CAST: variants seen among roughly 807,000 people sequenced by gnomAD.
CAST encodes calpastatin.
In CAST, 76 loss-of-function variants were observed where a neutral mutation model predicts 119.6. The ratio of observed to expected loss-of-function variants is 0.64; its 90% CI spans 0.53 to 0.77. The LOEUF (loss-of-function observed/expected upper bound fraction) is 0.77. Among genes scored for constraint, CAST ranks in the 30% least tolerant of loss-of-function variants. The pLI is 0.00. For missense variants in CAST, 953 were observed against 946.5 expected, an observed-to-expected ratio of 1.01 and a Z score of -0.09; for synonymous variants, 319 against 331.6, an observed-to-expected ratio of 0.96 and a Z score of 0.41.
chr5:96,190,770 G>T, the CAST span, among the ~76,000 whole-genome samples: 2 of 151,964 alleles, frequency 1.3e-5, no homozygotes, highest in East Asian at 3.8e-4. Context: ...ACATGTGCAG[G>T]TTTATTACTT....
At chr5:96,082,568 A>G in the CAST span, among the ~76,000 whole-genome samples, 1 of 152,240 alleles carries the variant, frequency 6.6e-6, no homozygotes, top group Non-Finnish European at 1.5e-5. Flanking sequence ...TACTTATTTT[A>G]GTAACTTTAT....
intron 1 of CAST, chr5:96,584,620 T>C (rs1053692637): frequency 1.3e-4 from 20 of 152,154 alleles, no homozygotes; most frequent in African/African-American, 4.6e-4. Context: ...AGTAGGAACA[T>C]GGACATAATA....
intron 1 of CAST, among the ~76,000 whole-genome samples, chr5:96,593,454 T>C (rs1045319907): frequency 1.3e-5 from 2 of 152,204 alleles, no homozygotes; most frequent in Admixed American, 6.5e-5. Flanking sequence ...CCACACTTTA[T>C]TTAATGCTCT....
At chr5:96,746,471 A>T (rs1450337675) in intron 17 of CAST, 46 bp downstream of exon 17, 1 of 1,071,190 alleles carries the variant, frequency 9.3e-7, no homozygotes, top group Admixed American at 1.7e-5. Flanking sequence ...TTGCCTTTGC[A>T]TCTTGTTTTG....
the CAST span, among the ~76,000 whole-genome samples, chr5:96,450,554 T>C: frequency 3.9e-5 from 6 of 152,214 alleles, no homozygotes; most frequent in Non-Finnish European, 5.9e-5. Context: ...AATATATCTA[T>C]GTAACACAAC....
At chr5:96,583,721 G>A (rs1746804924) in intron 1 of CAST, among the ~76,000 whole-genome samples, 1 of 152,160 alleles carries the variant, frequency 6.6e-6, no homozygotes, top group South Asian at 2.1e-4. Flanking sequence ...CAGAAAAATA[G>A]AGGGGGAGAC....
At chr5:96,004,126 A>T in the CAST span, among the ~76,000 whole-genome samples, 1 of 152,332 alleles carries the variant, frequency 6.6e-6, no homozygotes, top group African/African-American at 2.4e-5. Context: ...TGGATGTTGG[A>T]TGGTCATGCC....
At chr5:96,511,696 T>G in the CAST span, among the ~76,000 whole-genome samples, 18 of 152,378 alleles carry the variant, frequency 1.2e-4, no homozygotes, top group East Asian at 3.9e-4. Flanking sequence ...CTACTCCTAA[T>G]TGCTCTGTTG....
At chr5:96,241,405 A>C in the CAST span, among the ~76,000 whole-genome samples, 1 of 151,870 alleles carries the variant, frequency 6.6e-6, no homozygotes, top group South Asian at 2.1e-4. Flanking sequence ...TCAATTTTTT[A>C]TGGCTGCATA....
the CAST span, chr5:96,393,409 A>G: frequency 1.2e-6 from 2 of 1,612,586 alleles, no homozygotes; most frequent in East Asian, 4.5e-5. Context: ...CACAAAGGGA[A>G]GAAGGTTCAT....
rs1759984465 is a variant in CAST, at chr5:96,729,347, T to C, written c.435+138T>C. The C allele has an allele frequency of 8.0e-6, 5 of 628,344 alleles. No individual in the cohort carries two copies. In the South Asian group the frequency reaches 1.0e-4, roughly 13 times the overall value. The allele number at this position is 628,344 out of a possible 1,614,324, so 38.9% of individuals were successfully genotyped here. A position where few individuals can be genotyped will look rare whatever the true frequency, so the allele number is the denominator to read the frequency against. Reference sequence around the variant, plus strand: ...TTTTTCAGCTAAAATGGTGCCATCCTGTGGCAATAGCAGTGTTTACAATTT... The same window carrying C: ...TTTTTCAGCTAAAATGGTGCCATCCCGTGGCAATAGCAGTGTTTACAATTT... On this transcript the variant is annotated intron_variant, in intron 7 of 31. Transcript: ENST00000675179.
chr5:96,273,946 G>A, the CAST span, among the ~76,000 whole-genome samples: 2 of 152,098 alleles, frequency 1.3e-5, no homozygotes, highest in Non-Finnish European at 2.9e-5. Context: ...CCGTTTTGGA[G>A]TTGCCTTTTA....
intron 1 of CAST, among the ~76,000 whole-genome samples, chr5:96,578,224 A>G (rs1746707507): frequency 6.6e-6 from 1 of 152,044 alleles, no homozygotes; most frequent in African/African-American, 2.4e-5. Context: ...CTAATTTATC[A>G]GATATAAATA....
chr5:96,623,387 A>G (rs1198393546), intron 1 of CAST, among the ~76,000 whole-genome samples: 4 of 152,216 alleles, frequency 2.6e-5, no homozygotes, highest in Non-Finnish European at 4.4e-5. Flanking sequence ...TCAAAAGCCA[A>G]TAATAATAAT....
chr5:96,743,634 A>T lies in CAST; in HGVS notation c.1200+878A>T, dbSNP rs1244751818. 18 of 1,612,980 alleles carry T rather than the reference A, an allele frequency of 1.1e-5. No homozygotes were observed. The Admixed American group carries it at 2.2e-4, about 19-fold the overall frequency. On this transcript the variant is annotated intron_variant, in intron 16 of 31. Transcript: ENST00000675179. ...GGACTGCCCTGGCCTAAGATGGGCC[A>T]GTTTCTATCTTCGACTTTCTTGGAG...
At chr5:96,619,224 C>G (rs1006866066) in intron 1 of CAST, among the ~76,000 whole-genome samples, 1 of 150,864 alleles carries the variant, frequency 6.6e-6, no homozygotes. Flanking sequence ...GTAAACGCAC[C>G]AATCAGTGCT....
the CAST span, among the ~76,000 whole-genome samples, chr5:96,422,924 T>A: frequency 6.9e-6 from 1 of 145,052 alleles, no homozygotes; most frequent in Non-Finnish European, 1.5e-5. Context: ...TTTTACAATG[T>A]CAGGGATATA....
the CAST span, among the ~76,000 whole-genome samples, chr5:96,157,172 C>T: frequency 5.3e-5 from 8 of 152,142 alleles, no homozygotes; most frequent in African/African-American, 1.9e-4. Flanking sequence ...TTAATACAGC[C>T]CTTTGATTAA....
At chr5:96,691,439 GTTA>G (rs1253632679) in intron 2 of CAST, among the ~76,000 whole-genome samples, 1 of 152,088 alleles carries the variant, frequency 6.6e-6, no homozygotes, top group African/African-American at 2.4e-5. Flanking sequence ...CCCATAAAAG[GTTA>G]TTATTTTTTA....
Sources: allele counts gnomAD v4.1 joint callset (sites outside exome capture counted in the v4.1 genomes callset), GRCh38; gene constraint gnomAD v4.1.1; transcripts MANE v1.5; gene names NCBI Gene and HGNC (gene_info 2026-07-23, HGNC 2026-07-21).